The following ZNF716 variants were observed in gnomAD, a reference collection of about 807,000 sequenced individuals.
ZNF716 encodes the protein zinc finger protein 716.
A neutral mutation model predicts 13.4 loss-of-function variants in ZNF716; 9 were observed. The observed-to-expected ratio is 0.67, with a 90% CI of 0.41 to 1.18. The LOEUF (loss-of-function observed/expected upper bound fraction) is 1.18, where lower values mean the gene tolerates loss of function less well. ZNF716 is among the 50% of genes most tolerant of loss of function. The probability of loss-of-function intolerance (pLI) is 0.01; values close to 1 mark genes in which losing one functional copy is unlikely to be tolerated. For synonymous variants in ZNF716, 186 were observed against 195.2 expected, an observed-to-expected ratio of 0.95 and a Z score of 0.39; for missense variants, 581 against 576.6, an observed-to-expected ratio of 1.01 and a Z score of -0.08.
chr7:57,459,521 T>A (rs1169325875), intron 1 of ZNF716, among the ~76,000 whole-genome samples: 1 of 152,212 alleles, frequency 6.6e-6, no homozygotes, highest in Non-Finnish European at 1.5e-5. Flanking sequence ...TAATAATGTG[T>A]CTGCGAAAGC....
chr7:57,468,954 G>A lies in ZNF716; in HGVS notation c.493G>A (p.Val165Ile). The A allele has an allele frequency of 6.2e-7, 1 of 1,609,774 alleles. No individual in the cohort carries two copies. The highest frequency in any genetic ancestry group is 2.2e-5 in the East Asian group (1 of 44,682). The change falls in exon 4 of 4, where the codon GTC becomes ATC. Residue 165 changes from valine (V) to isoleucine (I), a missense_variant. Coordinates refer to ENST00000420713, the MANE Select transcript of ZNF716 (RefSeq NM_001159279.1). ...KTFQTHKCVK[V>I]FGKFSNSNRH... ...ATTTCAGACTCATAAATGCGTCAAA[G>A]TCTTTGGTAAATTTTCAAATTCCAA...
intron 3 of ZNF716, among the ~76,000 whole-genome samples, chr7:57,467,613 C>T (rs1409372734): frequency 6.6e-6 from 1 of 151,984 alleles, no homozygotes; most frequent in African/African-American, 2.4e-5. Flanking sequence ...TAAATAATAC[C>T]TCACGTTTAT....
chr7:57,457,135 T>G (rs1554322247), intron 1 of ZNF716, among the ~76,000 whole-genome samples: 1 of 152,152 alleles, frequency 6.6e-6, no homozygotes, highest in East Asian at 1.9e-4. Context: ...CCTACAAGTT[T>G]CCTGGCATAT....
intron 1 of ZNF716, among the ~76,000 whole-genome samples, chr7:57,458,081 G>T (rs1391772924): frequency 1.3e-5 from 2 of 152,080 alleles, no homozygotes; most frequent in African/African-American, 4.8e-5. Flanking sequence ...ATTTATTTCT[G>T]GTTTTTGCTA....
At chr7:57,460,059 A>G (rs140816987) in intron 1 of ZNF716, among the ~76,000 whole-genome samples, 38 of 152,136 alleles carry the variant, frequency 2.5e-4, no homozygotes, top group Non-Finnish European at 4.4e-4. Context: ...GAGAAAAAAA[A>G]TCACTTTTTC....
In ZNF716 at chr7:57,469,898, T is replaced by C. The variant is rs10276219; in HGVS notation, c.1437T>C (p.Leu479=). 2.4e-3 allele frequency: 3,763 copies of C among 1,587,340 alleles called. 75 individuals are homozygous for C. In the African/African-American group the frequency reaches 0.043, roughly 18 times the overall value. ...CDQTFKWHSS[L]ANHKNMHTGE... is the part of the protein sequence containing the mutation. Reference sequence around the variant, plus strand: ...AAACTTTTAAGTGGCATTCAAGTCTTGCTAATCATAAGAATATGCATACTG... The same window carrying C: ...AAACTTTTAAGTGGCATTCAAGTCTCGCTAATCATAAGAATATGCATACTG... The change falls in exon 4 of 4, where the codon CTT becomes CTC. Residue 479 remains leucine (L), a synonymous_variant. Coordinates refer to ENST00000420713, the MANE Select transcript of ZNF716 (RefSeq NM_001159279.1).
At position 57,462,476 on chromosome 7, in the gene ZNF716, G is replaced by A. The variant is rs1554323286; in HGVS notation, c.56G>A (p.Arg19Lys). The change falls in exon 2 of 4, where the codon AGA becomes AAA. Residue 19 changes from arginine (R) to lysine (K), a missense_variant. By Grantham distance (26) the Arg-to-Lys change is conservative (BLOSUM62 2). Transcript: ENST00000420713. ...TGTTTTTAGGGACTGTTGACATTCA[G>A]AGACATAGCTATAGAATTTTCTCTG... ...GSREMGLLTF[R>K]DIAIEFSLAE... is the part of the protein sequence containing the mutation. 6.2e-7 allele frequency: 1 copy of A among 1,613,790 alleles called. No homozygotes were observed. Among genetic ancestry groups the A allele is most frequent in the South Asian group, 1.1e-5 (1 of 91,026 alleles).
chr7:57,456,510 A>C (rs1789592865), intron 1 of ZNF716, among the ~76,000 whole-genome samples: 1 of 152,000 alleles, frequency 6.6e-6, no homozygotes, highest in Non-Finnish European at 1.5e-5. Flanking sequence ...GTTGGACAAC[A>C]AGTTGGTGTT....
rs1432311907 is a variant in ZNF716 at position 57,471,499 on chromosome 7, T to G, written c.*1550T>G. 6.6e-6 allele frequency: 1 copy of G among 152,086 alleles called. No homozygotes were observed. Among genetic ancestry groups the G allele is most frequent in the Non-Finnish European group, 1.5e-5 (1 of 68,016 alleles). 9.4% of individuals were successfully genotyped at this position (152,086 alleles called of 1,614,324 possible). Reference sequence around the variant, plus strand: ...CCTTTAAAGCAAAGACTATTTATTCTAAAGACAAACATTAAAACATAAAGA... The same window carrying G: ...CCTTTAAAGCAAAGACTATTTATTCGAAAGACAAACATTAAAACATAAAGA... On this transcript the variant is annotated 3_prime_UTR_variant, in exon 4 of 4. Transcript: ENST00000420713.
rs1583712659 is a variant in ZNF716, at chr7:57,450,400, G to C, written c.39+73G>C. ...AACTGACTGAAAGTGGCTGTAGCAG[G>C]ACCCAAACTTCCTCGCAGTCAGCTC... On this transcript the variant is annotated intron_variant, in intron 1 of 3. Transcript: ENST00000420713. 3 of 1,612,688 alleles carry C rather than the reference G, an allele frequency of 1.9e-6. No homozygotes were observed. In the East Asian group the frequency reaches 6.7e-5, roughly 36 times the overall value.
chr7:57,454,608 C>A (rs1789554751), intron 1 of ZNF716, among the ~76,000 whole-genome samples: 1 of 152,172 alleles, frequency 6.6e-6, no homozygotes, highest in African/African-American at 2.4e-5. Flanking sequence ...GACCCACAGG[C>A]AGATGTAGTT....
chr7:57,451,739 C>T (rs1208604938), intron 1 of ZNF716, among the ~76,000 whole-genome samples: 1 of 148,836 alleles, frequency 6.7e-6, no homozygotes, highest in Non-Finnish European at 1.5e-5. Flanking sequence ...TAGGCTATCA[C>T]ACCCAGCCTG....
intron 3 of ZNF716, among the ~76,000 whole-genome samples, chr7:57,466,999 A>C (rs1228855534): frequency 6.6e-6 from 1 of 151,996 alleles, no homozygotes; most frequent in Non-Finnish European, 1.5e-5. Flanking sequence ...AATAATATCG[A>C]TATTTGTCTC....
chr7:57,465,509 T>C (rs1415773157), intron 3 of ZNF716, among the ~76,000 whole-genome samples: 3 of 152,106 alleles, frequency 2.0e-5, no homozygotes, highest in East Asian at 1.9e-4. Flanking sequence ...TACCCCACCA[T>C]GCCCAGCTAA....
chr7:57,466,862 A>C (rs558597101), intron 3 of ZNF716, among the ~76,000 whole-genome samples: 1 of 151,870 alleles, frequency 6.6e-6, no homozygotes, highest in East Asian at 1.9e-4. Context: ...ATTTCTGTCA[A>C]TATTTGCTGT....
chr7:57,469,205 A>C lies in ZNF716; in HGVS notation c.744A>C (p.Lys248Asn), dbSNP rs2116426093. Residue 248 changes from lysine (K) to asparagine (N), a missense_variant, in exon 4 of 4, where the codon AAA becomes AAC. Lys to Asn is a moderately conservative substitution (Grantham distance 94). Transcript: ENST00000420713. ...EKPYRCEECG[K>N]AFSWSASLTK... ...CCTACAGATGTGAGGAATGTGGCAA[A>C]GCTTTTAGCTGGTCTGCATCCCTTA... 1 of 1,612,770 alleles carries C rather than the reference A, an allele frequency of 6.2e-7. No individual in the cohort carries two copies. The highest frequency in any genetic ancestry group is 8.5e-7 in the Non-Finnish European group (1 of 1,179,360).
intron 3 of ZNF716, among the ~76,000 whole-genome samples, chr7:57,464,138 T>TTTTTTTTTGGGG (rs1789762158): frequency 7.8e-6 from 1 of 129,010 alleles, no homozygotes; most frequent in East Asian, 2.3e-4. Context: ...TTTTTTTTTT[T>TTTTTTTTTGGGG]GAGATGGAGT....
intron 3 of ZNF716, 35 bp from the exon 4 acceptor site, chr7:57,468,689 T>G: frequency 6.4e-7 from 1 of 1,572,000 alleles, no homozygotes; most frequent in Non-Finnish European, 8.6e-7. Context: ...CTGAGTGTAG[T>G]AAGTGGAGAA....
chr7:57,467,692 C>G (rs1325691709), intron 3 of ZNF716, among the ~76,000 whole-genome samples: 1 of 151,906 alleles, frequency 6.6e-6, no homozygotes, highest in African/African-American at 2.4e-5. Context: ...TGTTATGGAC[C>G]TTTCTGTGTA....
Sources: gnomAD v4.1 joint callset for allele counts (sites outside exome capture counted in the v4.1 genomes callset) on GRCh38, gnomAD v4.1.1 for gene constraint, MANE v1.5 for transcripts, NCBI Gene and HGNC (gene_info 2026-07-23, HGNC 2026-07-21) for gene names.